The following CACNA2D1 variants were observed in gnomAD, a reference collection of about 807,000 sequenced individuals.
The protein encoded by CACNA2D1 is calcium voltage-gated channel auxiliary subunit alpha2delta 1, also known as voltage-dependent calcium channel subunit alpha-2/delta-1.
CACNA2D1 carries 53 observed loss-of-function variants against 171.5 expected under a neutral mutation model. That is an observed-to-expected ratio of 0.31 (90% CI 0.25 to 0.39). CACNA2D1 has a LOEUF of 0.39. CACNA2D1 is among the 10% of genes least tolerant of loss of function. CACNA2D1 has a pLI of 1.00. For missense variants in CACNA2D1, 903 were observed against 1,299.8 expected (o/e 0.69, Z 4.69); for synonymous variants, 442 against 443.1 (o/e 1.00, Z 0.03).
At chr7:82,373,065 T>A (rs1822589676) in intron 1 of CACNA2D1, among the ~76,000 whole-genome samples, 1 of 152,096 alleles carries the variant, frequency 6.6e-6, no homozygotes, top group African/African-American at 2.4e-5. Flanking sequence ...ACGCCTGTAG[T>A]CCCAGCTACT....
At chr7:82,381,377 C>G (rs1293088989) in intron 1 of CACNA2D1, among the ~76,000 whole-genome samples, 1 of 150,776 alleles carries the variant, frequency 6.6e-6, no homozygotes, top group African/African-American at 2.4e-5. Flanking sequence ...TTCCATGATC[C>G]TATAGAGAAT....
At chr7:82,272,425 G>T (rs1304901032) in intron 3 of CACNA2D1, among the ~76,000 whole-genome samples, 1 of 152,100 alleles carries the variant, frequency 6.6e-6, no homozygotes, top group African/African-American at 2.4e-5. Context: ...TCAAGTGGTC[G>T]GCTGGATACA....
At chr7:82,087,619 A>G (rs2129014761) in intron 6 of CACNA2D1, among the ~76,000 whole-genome samples, 1 of 152,138 alleles carries the variant, frequency 6.6e-6, no homozygotes, top group East Asian at 1.9e-4. Context: ...ACAAGGAAGA[A>G]TGAATACTAT....
At position 82,342,504 on chromosome 7, in the gene CACNA2D1, A is replaced by G. The variant is rs144798679; in HGVS notation, c.177+7064T>C. On this transcript the variant is annotated intron_variant, in intron 2 of 38. Coordinates refer to ENST00000356860, the MANE Select transcript of CACNA2D1 (RefSeq NM_000722.4). The stretch of plus-strand genomic sequence containing the variant: ...AATCAGTATTTATTTTAAACCTAAA[A>G]AAATCATGGTTAAGTAAGATGCTAT... Among the ~76,000 whole-genome samples, 49 of 152,348 alleles carry G rather than the reference A, an allele frequency of 3.2e-4. 2 individuals are homozygous for G. The East Asian group carries it at 8.7e-3, about 27-fold the overall frequency.
intron 3 of CACNA2D1, among the ~76,000 whole-genome samples, chr7:82,198,499 T>C (rs1002364877): frequency 3.3e-5 from 5 of 152,048 alleles, no homozygotes; most frequent in African/African-American, 1.2e-4. Flanking sequence ...CGTGATACCA[T>C]GCTGGGATCC....
intron 1 of CACNA2D1, among the ~76,000 whole-genome samples, chr7:82,364,727 C>A (rs1821482543): frequency 6.6e-6 from 1 of 152,134 alleles, no homozygotes; most frequent in Admixed American, 6.5e-5. Context: ...TATATACTTT[C>A]CATCCAAAGA....
intron 12 of CACNA2D1, among the ~76,000 whole-genome samples, chr7:82,019,048 G>A (rs1362939781): frequency 6.6e-6 from 1 of 151,994 alleles, no homozygotes; most frequent in Non-Finnish European, 1.5e-5. Flanking sequence ...GTGGACAGGT[G>A]CAGTGGCTCA....
rs1480730549 is a variant in CACNA2D1 at position 81,991,174 on chromosome 7, CAGTT to C, written c.1796+7_1796+10del. The C allele has an allele frequency of 1.6e-6, 2 of 1,284,874 alleles. No homozygotes were observed. The highest frequency in any genetic ancestry group is 1.1e-6 in the Non-Finnish European group (1 of 880,068). 79.6% of individuals were successfully genotyped at this position (1,284,874 alleles called of 1,614,324 possible). ...TGGAATACACAATACACATAAAATA[CAGTT>C]AATTACCTGTAATCTGTGCCATTGA... On this transcript the variant is annotated splice_region_variant and intron_variant, in intron 21 of 38. Transcript: ENST00000356860.
At chr7:82,145,679 C>A (rs1241953144) in intron 4 of CACNA2D1, among the ~76,000 whole-genome samples, 1 of 131,524 alleles carries the variant, frequency 7.6e-6, no homozygotes, top group Non-Finnish European at 1.6e-5. Flanking sequence ...TACATACATA[C>A]ACACACATTC....
chr7:82,288,170 C>T (rs1176251101), intron 3 of CACNA2D1, among the ~76,000 whole-genome samples: 1 of 151,996 alleles, frequency 6.6e-6, no homozygotes, highest in African/African-American at 2.4e-5. Context: ...TCTTCAAGTG[C>T]CATAGAGTAA....
intron 5 of CACNA2D1, 23 bp from the exon 6 acceptor site, chr7:82,117,196 G>C: frequency 1.2e-6 from 2 of 1,610,892 alleles, no homozygotes; most frequent in East Asian, 4.5e-5. Flanking sequence ...AGAATAAACA[G>C]AATATTACAA....
intron 1 of CACNA2D1, among the ~76,000 whole-genome samples, chr7:82,354,245 A>T (rs1820176776): frequency 6.6e-6 from 1 of 152,148 alleles, no homozygotes; most frequent in Non-Finnish European, 1.5e-5. Flanking sequence ...TTTAATTCAC[A>T]TGCTTTTCTC....
intron 34 of CACNA2D1, among the ~76,000 whole-genome samples, chr7:81,963,773 T>C (rs1336918956): frequency 6.6e-6 from 1 of 151,906 alleles, no homozygotes; most frequent in East Asian, 1.9e-4. Context: ...TTAATACAAA[T>C]GAAAAGAGTT....
rs543413476 is a variant in CACNA2D1, at chr7:82,022,152, G to C, written c.1144-7673C>G. On this transcript the variant is annotated intron_variant, in intron 12 of 38. Transcript: ENST00000356860. ...GATGTGCCTGGTAAAATATTCCTTA[G>C]TTTGAGGGACTGACAACACTAATTT... Among the ~76,000 whole-genome samples the C allele has an allele frequency of 2.6e-5, 4 of 151,668 alleles. No homozygotes were observed. In the East Asian group the frequency reaches 7.7e-4, roughly 29 times the overall value.
At chr7:81,975,465 T>A (rs574299543) in intron 24 of CACNA2D1, among the ~76,000 whole-genome samples, 1 of 152,268 alleles carries the variant, frequency 6.6e-6, no homozygotes, top group Non-Finnish European at 1.5e-5. Context: ...TACAGAAAAT[T>A]TGTCCTCACA....
At chr7:82,405,447 T>G (rs1343691959) in intron 1 of CACNA2D1, among the ~76,000 whole-genome samples, 1 of 152,160 alleles carries the variant, frequency 6.6e-6, no homozygotes, top group Non-Finnish European at 1.5e-5. Context: ...ATTACTTTAC[T>G]TCTAAGTAAA....
intron 20 of CACNA2D1, among the ~76,000 whole-genome samples, chr7:81,993,813 C>T (rs1797787371): frequency 2.0e-5 from 3 of 151,396 alleles, no homozygotes; most frequent in Admixed American, 1.3e-4. Context: ...GAATATTTGT[C>T]AAAAAAAGTA....
intron 3 of CACNA2D1, among the ~76,000 whole-genome samples, chr7:82,291,270 TGTATATATAATTCCTTTATATATA>T (rs1811527644): frequency 7.1e-6 from 1 of 141,798 alleles, no homozygotes; most frequent in African/African-American, 2.6e-5. Flanking sequence ...TAGAATATAG[TGTATATATAATTCCTTTATATATA>T]GTATATATAA....
chr7:82,122,591 GAA>G (rs1166769831), intron 5 of CACNA2D1, among the ~76,000 whole-genome samples: 2 of 152,154 alleles, frequency 1.3e-5, no homozygotes, highest in Non-Finnish European at 2.9e-5. Flanking sequence ...TCCAGCATCA[GAA>G]AGGGATGTAA....
Sources: gnomAD v4.1 joint callset for allele counts (sites outside exome capture counted in the v4.1 genomes callset) on GRCh38, gnomAD v4.1.1 for gene constraint, MANE v1.5 for transcripts, NCBI Gene and HGNC (gene_info 2026-07-23, HGNC 2026-07-21) for gene names.